PIK3AP1: variants seen among roughly 807,000 people sequenced by gnomAD.
PIK3AP1 encodes the protein phosphoinositide-3-kinase adaptor protein 1.
Under a neutral mutation model 88.1 loss-of-function variants are expected in PIK3AP1, and 21 were observed. The observed-to-expected ratio is 0.24, with a 90% CI of 0.17 to 0.34. The LOEUF (loss-of-function observed/expected upper bound fraction) is 0.34, where lower values mean the gene tolerates loss of function less well. PIK3AP1 is among the 10% of genes least tolerant of loss of function. PIK3AP1 has a pLI of 1.00. For missense variants in PIK3AP1, 828 were observed against 1,035.7 expected (o/e 0.80, Z 2.75); for synonymous variants, 398 against 400.0 (o/e 1.00, Z 0.06).
chr10:96,700,623 T>C (rs928966670), intron 2 of PIK3AP1, among the ~76,000 whole-genome samples: 2 of 152,246 alleles, frequency 1.3e-5, no homozygotes, highest in South Asian at 2.1e-4. Context: ...AGGAGGATCC[T>C]GGAGGAGGCA....
intron 6 of PIK3AP1, 146 bp downstream of exon 6, chr10:96,651,102 G>T: frequency 9.3e-7 from 1 of 1,070,510 alleles, no homozygotes; most frequent in Non-Finnish European, 1.4e-6. Context: ...AACCAGTCAA[G>T]AATGAGTCCT....
At chr10:96,619,815 T>C (rs1225826311) in intron 12 of PIK3AP1, among the ~76,000 whole-genome samples, 1 of 152,246 alleles carries the variant, frequency 6.6e-6, no homozygotes, top group Non-Finnish European at 1.5e-5. Flanking sequence ...CGTTTCCAGA[T>C]CTTTGTCCTT....
At chr10:96,631,852 C>T (rs1843248681) in intron 8 of PIK3AP1, among the ~76,000 whole-genome samples, 1 of 150,404 alleles carries the variant, frequency 6.6e-6, no homozygotes, top group South Asian at 2.1e-4. Flanking sequence ...CTACTACACT[C>T]CAGCCTGGGT....
chr10:96,711,811 CA>C (rs1844441864), intron 1 of PIK3AP1, among the ~76,000 whole-genome samples: 1 of 134,192 alleles, frequency 7.5e-6, no homozygotes. Context: ...AGCGCAGTGG[CA>C]CGATCTCGGT....
intron 6 of PIK3AP1, among the ~76,000 whole-genome samples, chr10:96,649,296 G>A (rs566496424): frequency 2.6e-5 from 4 of 152,140 alleles, no homozygotes; most frequent in Non-Finnish European, 4.4e-5. Context: ...CACCTGCCTC[G>A]GCCTCCCAAA....
chr10:96,696,893 T>C (rs904974981), intron 2 of PIK3AP1, among the ~76,000 whole-genome samples: 5 of 152,186 alleles, frequency 3.3e-5, no homozygotes, highest in African/African-American at 1.2e-4. Flanking sequence ...GGAAAAATAT[T>C]AGATCGAGAC....
chr10:96,709,876 T>C lies in PIK3AP1; in HGVS notation c.121A>G (p.Lys41Glu). 6.2e-7 allele frequency: 1 copy of C among 1,613,820 alleles called. No homozygotes were observed. The highest frequency in any genetic ancestry group is 1.3e-5 in the African/African-American group (1 of 75,064). The part of the protein sequence containing the change: ...FLSSRQVRSQ[K>E]ILTHRLGPEA... ...GGGCCCAGCCTGTGAGTCAGTATCT[T>C]CTGGCTGCGGACCTGCCGACTGGAC... The change falls in exon 2 of 17, where the codon AAG (lysine) becomes GAG (glutamate). Residue 41 changes from lysine (K) to glutamate (E), a missense_variant. Coordinates refer to ENST00000339364, the MANE Select transcript of PIK3AP1 (RefSeq NM_152309.3).
chr10:96,671,671 G>GTCATCA (rs150352850), intron 2 of PIK3AP1, among the ~76,000 whole-genome samples: 1 of 151,952 alleles, frequency 6.6e-6, no homozygotes, highest in African/African-American at 2.4e-5. Flanking sequence ...CATCACCGTC[G>GTCATCA]TCATCATCAT....
chr10:96,597,851 A>G (rs1589475466), intron 16 of PIK3AP1, among the ~76,000 whole-genome samples: 1 of 152,100 alleles, frequency 6.6e-6, no homozygotes, highest in South Asian at 2.1e-4. Context: ...CACAAAGACA[A>G]CCATGATTTC....
chr10:96,601,877 A>G (rs1848903275), intron 16 of PIK3AP1, among the ~76,000 whole-genome samples: 1 of 152,140 alleles, frequency 6.6e-6, no homozygotes. Context: ...AGGCATTTCA[A>G]TTAGCTCTGT....
intron 2 of PIK3AP1, among the ~76,000 whole-genome samples, chr10:96,678,088 C>T (rs981935126): frequency 7.9e-5 from 12 of 151,940 alleles, no homozygotes; most frequent in Non-Finnish European, 1.5e-4. Context: ...CTCAGCCTCC[C>T]GAGTAGTTAG....
chr10:96,607,649 T>C (rs1849024836), intron 14 of PIK3AP1, among the ~76,000 whole-genome samples: 1 of 152,184 alleles, frequency 6.6e-6, no homozygotes, highest in Non-Finnish European at 1.5e-5. Context: ...AACTGGAGCT[T>C]TTCCTTTTGG....
At chr10:96,673,484 A>G (rs946546023) in intron 2 of PIK3AP1, among the ~76,000 whole-genome samples, 1 of 152,156 alleles carries the variant, frequency 6.6e-6, no homozygotes, top group Non-Finnish European at 1.5e-5. Context: ...CTAACAAAGC[A>G]GGAGCTACCA....
intron 4 of PIK3AP1, among the ~76,000 whole-genome samples, chr10:96,652,317 G>A (rs1322981530): frequency 7.2e-5 from 11 of 152,356 alleles, no homozygotes; most frequent in African/African-American, 1.2e-4. Context: ...GCTCACGCCT[G>A]TAATCCAGCA....
chr10:96,604,660 T>C (rs1206081431), intron 14 of PIK3AP1, among the ~76,000 whole-genome samples: 1 of 152,180 alleles, frequency 6.6e-6, no homozygotes, highest in Non-Finnish European at 1.5e-5. Flanking sequence ...AGTGCTCCAA[T>C]TTGAAGGACA....
At chr10:96,697,199 G>A (rs1161710825) in intron 2 of PIK3AP1, among the ~76,000 whole-genome samples, 1 of 152,148 alleles carries the variant, frequency 6.6e-6, no homozygotes, top group East Asian at 1.9e-4. Context: ...CTGTTCTCTC[G>A]TTATAGGTAT....
intron 2 of PIK3AP1, among the ~76,000 whole-genome samples, chr10:96,708,858 C>CGGA (rs1354864735): frequency 6.6e-6 from 1 of 151,534 alleles, no homozygotes; most frequent in African/African-American, 2.4e-5. Context: ...TGGCGGGGCA[C>CGGA]GGAGGCTCAT....
intron 2 of PIK3AP1, among the ~76,000 whole-genome samples, chr10:96,680,728 A>ATTT (rs1843988542): frequency 2.0e-5 from 3 of 152,196 alleles, no homozygotes; most frequent in African/African-American, 7.2e-5. Flanking sequence ...ATTTAGGTTG[A>ATTT]GTCTACGTCT....
At chr10:96,633,711 A>C (rs531864513) in intron 8 of PIK3AP1, among the ~76,000 whole-genome samples, 32 of 152,366 alleles carry the variant, frequency 2.1e-4, no homozygotes, top group African/African-American at 6.3e-4. Context: ...CTTCAAAGTA[A>C]TGAATGCTTA....
Sources: gnomAD v4.1 joint callset for allele counts (sites outside exome capture counted in the v4.1 genomes callset) on GRCh38, gnomAD v4.1.1 for gene constraint, MANE v1.5 for transcripts, NCBI Gene and HGNC (gene_info 2026-07-23, HGNC 2026-07-21) for gene names.